The following MBNL2 variants were observed in gnomAD, a reference collection of about 807,000 sequenced individuals.
The protein encoded by MBNL2 is muscleblind-like protein 2.
Under a neutral mutation model 41.9 loss-of-function variants are expected in MBNL2, and 17 were observed. That is an observed-to-expected ratio of 0.41 (90% CI 0.28 to 0.61). The LOEUF (loss-of-function observed/expected upper bound fraction) is 0.61, where lower values mean the gene tolerates loss of function less well. Ranked by LOEUF, MBNL2 falls within the 20% of genes least tolerant of loss-of-function variation. The pLI, the probability that MBNL2 is intolerant of heterozygous loss-of-function variation, is 0.35. For synonymous variants in MBNL2, 195 were observed against 182.9 expected (o/e 1.07, Z -0.53); for missense variants, 336 against 505.6 (o/e 0.66, Z 3.22).
At chr13:97,276,503 CT>C in intron 2 of MBNL2, 94 bp downstream of exon 2, 2 of 1,186,352 alleles carry the variant, frequency 1.7e-6, no homozygotes, top group Non-Finnish European at 2.4e-6. Flanking sequence ...TTAAAAATTG[CT>C]TTTAGATTCT....
At chr13:97,142,709 A>C in the MBNL2 span, among the ~76,000 whole-genome samples, 1 of 152,114 alleles carries the variant, frequency 6.6e-6, no homozygotes, top group Non-Finnish European at 1.5e-5. Flanking sequence ...TTCCTGTCCC[A>C]CGTCTCTAAC....
intron 2 of MBNL2, among the ~76,000 whole-genome samples, chr13:97,331,364 C>G (rs1258783260): frequency 6.6e-6 from 1 of 152,148 alleles, no homozygotes; most frequent in Admixed American, 6.5e-5. Context: ...GTTATGAGAC[C>G]AGAATCTGTG....
At chr13:97,158,350 C>A in the MBNL2 span, among the ~76,000 whole-genome samples, 3 of 151,688 alleles carry the variant, frequency 2.0e-5, no homozygotes, top group Non-Finnish European at 4.4e-5. Flanking sequence ...AAACCAGCTC[C>A]TGGATTCATT....
chr13:97,180,635 AG>A, the MBNL2 span, among the ~76,000 whole-genome samples: 1 of 151,256 alleles, frequency 6.6e-6, no homozygotes, highest in East Asian at 2.0e-4. Context: ...CCAGCTACTC[AG>A]GAGGCTGAGG....
At chr13:97,340,114 A>G (rs141668735) in intron 3 of MBNL2, among the ~76,000 whole-genome samples, 133 of 152,334 alleles carry the variant, frequency 8.7e-4, no homozygotes, top group African/African-American at 3.1e-3. Flanking sequence ...GAGAAGATTA[A>G]AGAAGACAAG....
the MBNL2 span, among the ~76,000 whole-genome samples, chr13:97,159,558 A>C: frequency 1.5e-3 from 227 of 151,640 alleles, no homozygotes; most frequent in East Asian, 6.2e-3. Flanking sequence ...CCATGTTTAG[A>C]GCTTCCTTCA....
the MBNL2 span, among the ~76,000 whole-genome samples, chr13:97,200,183 C>G: frequency 6.6e-6 from 1 of 152,228 alleles, no homozygotes; most frequent in Non-Finnish European, 1.5e-5. Context: ...CAGCACAGAG[C>G]TGCACGTACA....
chr13:97,317,689 G>A (rs1044288557), intron 2 of MBNL2, among the ~76,000 whole-genome samples: 2 of 152,178 alleles, frequency 1.3e-5, no homozygotes, highest in African/African-American at 4.8e-5. Context: ...CCTAATAGAC[G>A]GAGATATGAT....
chr13:97,359,940 T>C (rs973797779), intron 7 of MBNL2, among the ~76,000 whole-genome samples: 1 of 152,268 alleles, frequency 6.6e-6, no homozygotes, highest in Non-Finnish European at 1.5e-5. Flanking sequence ...CCAGGAATTT[T>C]ATTGTTCATT....
At chr13:97,169,581 T>C in the MBNL2 span, among the ~76,000 whole-genome samples, 1 of 152,250 alleles carries the variant, frequency 6.6e-6, no homozygotes. Context: ...GAAAGCGTTT[T>C]GTGTTTCTAA....
At chr13:97,215,597 C>G in the MBNL2 span, among the ~76,000 whole-genome samples, 1 of 152,140 alleles carries the variant, frequency 6.6e-6, no homozygotes, top group Non-Finnish European at 1.5e-5. Flanking sequence ...ATGCTACAAT[C>G]CATTAAAAAC....
chr13:97,296,616 T>C (rs1170339497), intron 2 of MBNL2, among the ~76,000 whole-genome samples: 2 of 152,166 alleles, frequency 1.3e-5, no homozygotes, highest in African/African-American at 2.4e-5. Flanking sequence ...TACGGTTTAA[T>C]AGATAGTAAA....
chr13:97,379,848 T>A (rs889283515), intron 8 of MBNL2, among the ~76,000 whole-genome samples: 1 of 151,996 alleles, frequency 6.6e-6, no homozygotes, highest in Non-Finnish European at 1.5e-5. Context: ...GTGAATGGAG[T>A]TAATGCCACT....
At chr13:97,374,666 T>C (rs2064793869) in intron 8 of MBNL2, among the ~76,000 whole-genome samples, 1 of 152,128 alleles carries the variant, frequency 6.6e-6, no homozygotes, top group African/African-American at 2.4e-5. Flanking sequence ...GCTGGGATTA[T>C]AGACATGAGC....
In MBNL2 at chr13:97,267,648, G is replaced by A. The variant is rs143950171; in HGVS notation, c.-604-7984G>A. Among the ~76,000 whole-genome samples the A allele has an allele frequency of 1.5e-3, 229 of 152,200 alleles. 1 individual carries two copies. Among genetic ancestry groups the A allele is most frequent in the African/African-American group, 5.0e-3 (209 of 41,534 alleles). The stretch of plus-strand genomic sequence containing the variant: ...AGGCAAGTGTCCGTAAAACAAGGCC[G>A]CACCCACCCCCTCTAGAAGGCTATG... On this transcript the variant is annotated intron_variant, in intron 1 of 8. Transcript: ENST00000679496.
intron 2 of MBNL2, among the ~76,000 whole-genome samples, chr13:97,326,144 G>T (rs1490389033): frequency 6.6e-6 from 1 of 152,146 alleles, no homozygotes; most frequent in Non-Finnish European, 1.5e-5. Flanking sequence ...TATTTGTATG[G>T]GTTTTTGGAA....
At chr13:97,220,090 T>C (rs9584532), upstream of MBNL2, among the ~76,000 whole-genome samples, 1,878 of 152,322 alleles carry the variant, frequency 0.012, 40 homozygotes, top group African/African-American at 0.042. Context: ...ATTCTTGAGA[T>C]AGGAATCATG....
At chr13:97,175,672 A>G in the MBNL2 span, among the ~76,000 whole-genome samples, 653 of 152,324 alleles carry the variant, frequency 4.3e-3, 1 homozygote, top group Non-Finnish European at 7.4e-3. Context: ...GCAGAGTTGG[A>G]TGGTAATTAC....
intron 1 of MBNL2, among the ~76,000 whole-genome samples, chr13:97,224,587 T>A: frequency 6.8e-6 from 1 of 147,582 alleles, no homozygotes; most frequent in Non-Finnish European, 1.5e-5. Context: ...CTTGCTACAC[T>A]TTCCCTCATC....
Sources: allele counts gnomAD v4.1 joint callset (sites outside exome capture counted in the v4.1 genomes callset), GRCh38; gene constraint gnomAD v4.1.1; transcripts MANE v1.5; gene names NCBI Gene and HGNC (gene_info 2026-07-23, HGNC 2026-07-21).